CCDC57: variants seen among roughly 807,000 people sequenced by gnomAD.
CCDC57 encodes coiled-coil domain-containing protein 57.
A neutral mutation model predicts 118.9 loss-of-function variants in CCDC57; 118 were observed. The observed-to-expected ratio is 0.99, with a 90% CI of 0.86 to 1.16. CCDC57 has a LOEUF of 1.16. Ranked by LOEUF, CCDC57 falls within the 50% of genes most tolerant of loss-of-function variation. The probability of loss-of-function intolerance (pLI) is 0.00; values close to 1 mark genes in which losing one functional copy is unlikely to be tolerated. For missense variants in CCDC57, 1,300 were observed against 1,320.7 expected (o/e 0.98, Z 0.24); for synonymous variants, 527 against 532.9 (o/e 0.99, Z 0.15).
intron 16 of CCDC57, among the ~76,000 whole-genome samples, chr17:82,148,957 G>A (rs530028179): frequency 0.012 from 990 of 84,512 alleles, 162 homozygotes; most frequent in African/African-American, 0.045. Context: ...GATGGTAGAT[G>A]GATGGATGTA....
chr17:82,205,787 C>G (rs766928561), intron 2 of CCDC57, among the ~76,000 whole-genome samples: 1 of 152,178 alleles, frequency 6.6e-6, no homozygotes, highest in African/African-American at 2.4e-5. Flanking sequence ...GTGCAGCACC[C>G]GGTGAGAGCC....
chr17:82,148,872 TG>T (rs2041389274), intron 16 of CCDC57, among the ~76,000 whole-genome samples: 1 of 17,810 alleles, frequency 5.6e-5, no homozygotes, highest in Non-Finnish European at 9.7e-5. Context: ...GATGGGTGGG[TG>T]GGATAAGTGG....
rs886439201 is a variant in CCDC57 at position 82,157,410 on chromosome 17, G to A, written c.2241+338C>T. ...GACGCCCCCTCAGCAGGCCGTCAAG[G>A]CCCTGCATTAAAGCAAACATGAGCC... On this transcript the variant is annotated intron_variant, in intron 15 of 19. Transcript: ENST00000665763. 4.7e-6 allele frequency: 6 copies of A among 1,265,768 alleles called. No individual in the cohort carries two copies. The Admixed American group carries it at 2.3e-4, about 49-fold the overall frequency. The allele number at this position is 1,265,768 out of a possible 1,614,324, so 78.4% of individuals were successfully genotyped here.
chr17:82,136,991 G>A (rs966641716), intron 16 of CCDC57, among the ~76,000 whole-genome samples: 5 of 150,852 alleles, frequency 3.3e-5, no homozygotes, highest in Admixed American at 1.3e-4. Flanking sequence ...AATTTTGATG[G>A]GTTTGTTTCC....
intron 17 of CCDC57, among the ~76,000 whole-genome samples, chr17:82,131,541 G>A (rs558658361): frequency 3.4e-4 from 52 of 152,194 alleles, no homozygotes; most frequent in African/African-American, 1.2e-3. Flanking sequence ...AGGAGTTTGA[G>A]ACCAGCCTGA....
chr17:82,113,614 C>A, intron 19 of CCDC57: 1 of 717,602 alleles, frequency 1.4e-6, no homozygotes, highest in South Asian at 1.5e-5. Context: ...AGCTCGCCTC[C>A]TGGTTCATGT....
chr17:82,167,410 G>T (rs1164561568), intron 13 of CCDC57, among the ~76,000 whole-genome samples: 1 of 151,788 alleles, frequency 6.6e-6, no homozygotes, highest in Non-Finnish European at 1.5e-5. Context: ...GAGTGCAGTG[G>T]CGCGATGTCG....
At chr17:82,159,135 G>A (rs1252508042) in intron 14 of CCDC57, among the ~76,000 whole-genome samples, 2 of 151,962 alleles carry the variant, frequency 1.3e-5, no homozygotes, top group Non-Finnish European at 2.9e-5. Flanking sequence ...CCAAAGTGTG[G>A]GGATTACAGG....
At chr17:82,121,459 G>A (rs1162200388) in intron 19 of CCDC57, among the ~76,000 whole-genome samples, 3 of 152,204 alleles carry the variant, frequency 2.0e-5, no homozygotes, top group African/African-American at 4.8e-5. Context: ...GCCTGGAGCC[G>A]GGTCATAGGG....
At chr17:82,106,955 G>T (rs558848075) in intron 19 of CCDC57, among the ~76,000 whole-genome samples, 3 of 152,182 alleles carry the variant, frequency 2.0e-5, no homozygotes, top group Admixed American at 1.3e-4. Context: ...GCAGGTCACC[G>T]CCATGTCCCC....
At chr17:82,160,608 C>T (rs139351753) in intron 14 of CCDC57, among the ~76,000 whole-genome samples, 3 of 152,204 alleles carry the variant, frequency 2.0e-5, no homozygotes, top group Admixed American at 1.3e-4. Flanking sequence ...GGTGCAGTGG[C>T]TCATACCTGT....
At chr17:82,136,912 A>C (rs2039271718) in intron 16 of CCDC57, among the ~76,000 whole-genome samples, 1 of 151,628 alleles carries the variant, frequency 6.6e-6, no homozygotes, top group Non-Finnish European at 1.5e-5. Context: ...CTCAATCCTT[A>C]CTTGGTTGAA....
At chr17:82,136,124 G>A (rs138144715) in intron 16 of CCDC57, among the ~76,000 whole-genome samples, 2 of 152,198 alleles carry the variant, frequency 1.3e-5, no homozygotes, top group East Asian at 3.9e-4. Context: ...TTCTAGGGAG[G>A]CATCCAAGAG....
rs1362109165 is a variant in CCDC57, at chr17:82,171,506, C to T, written c.1882+195G>A. Among the ~76,000 whole-genome samples, 5 of 151,628 alleles carry T rather than the reference C, an allele frequency of 3.3e-5. No homozygotes were observed. In the South Asian group the frequency reaches 1.0e-3, roughly 32 times the overall value. ...ACAAGGAATTCCATTCACACCAAAA[C>T]AGGGAACGCTGACTGCAGTGAGGAG... On this transcript the variant is annotated intron_variant, in intron 13 of 19. Transcript: ENST00000665763.
chr17:82,176,742 T>C (rs2045556232), intron 11 of CCDC57, among the ~76,000 whole-genome samples: 1 of 152,180 alleles, frequency 6.6e-6, no homozygotes, highest in South Asian at 2.1e-4. Context: ...TTTTGGAGTT[T>C]TACTTGCTTC....
chr17:82,200,214 G>A (rs534948518), intron 3 of CCDC57, among the ~76,000 whole-genome samples: 2 of 152,284 alleles, frequency 1.3e-5, no homozygotes, highest in Non-Finnish European at 1.5e-5. Context: ...TGAGCAAACC[G>A]GCCCAACACA....
chr17:82,132,611 G>A (rs977592173), intron 17 of CCDC57, among the ~76,000 whole-genome samples: 3 of 151,970 alleles, frequency 2.0e-5, no homozygotes, highest in African/African-American at 7.3e-5. Flanking sequence ...GTAGAGACGG[G>A]GTCTCGCTGT....
At chr17:82,201,897 G>T in exon 3 of CCDC57, 1 of 1,608,334 alleles carries the variant, frequency 6.2e-7, no homozygotes, top group Non-Finnish European at 8.5e-7. Flanking sequence ...CCTCCTCCTT[G>T]CGAAGCAGCA....
intron 2 of CCDC57, chr17:82,207,730 C>T (rs1175097291): frequency 6.6e-6 from 1 of 152,270 alleles, no homozygotes; most frequent in African/African-American, 2.4e-5. Flanking sequence ...GTGTGACTTA[C>T]TCTTTCTCTA....
Sources: gnomAD v4.1 joint callset for allele counts (sites outside exome capture counted in the v4.1 genomes callset) on GRCh38, gnomAD v4.1.1 for gene constraint, MANE v1.5 for transcripts, NCBI Gene and HGNC (gene_info 2026-07-23, HGNC 2026-07-21) for gene names.